PTPRD: variants seen among roughly 807,000 people sequenced by gnomAD.
PTPRD encodes receptor-type tyrosine-protein phosphatase delta.
In PTPRD, 34 loss-of-function variants were observed where a neutral mutation model predicts 214.5. The observed-to-expected ratio is 0.16, with a 90% CI of 0.12 to 0.21. The LOEUF is 0.21. Ranked by LOEUF, PTPRD falls within the 10% of genes least tolerant of loss-of-function variation. The pLI is 1.00. For synonymous variants in PTPRD, 1,128 were observed against 845.7 expected, an observed-to-expected ratio of 1.33 and a Z score of -5.79; for missense variants, 2,545 against 2,398.7, an observed-to-expected ratio of 1.06 and a Z score of -1.27.
At chr9:8,594,997 G>A (rs528643295) in intron 14 of PTPRD, among the ~76,000 whole-genome samples, 1 of 151,194 alleles carries the variant, frequency 6.6e-6, no homozygotes, top group Admixed American at 6.6e-5. Context: ...TGAGTAGCTG[G>A]AACTACAGGC....
At chr9:8,712,821 T>C (rs929573624) in intron 12 of PTPRD, among the ~76,000 whole-genome samples, 7 of 152,046 alleles carry the variant, frequency 4.6e-5, no homozygotes, top group African/African-American at 1.4e-4. Context: ...TGGGTTCAAG[T>C]GATTCTCCTG....
chr9:10,237,243 A>G lies in PTPRD; in HGVS notation c.-545+103720T>C, dbSNP rs1362420145. Among the ~76,000 whole-genome samples, 3 of 151,930 alleles carry G rather than the reference A, an allele frequency of 2.0e-5. No individual in the cohort carries two copies. In the East Asian group the frequency reaches 5.8e-4, roughly 29 times the overall value. ...TTTGATGTGAATTTAAAGGTGCTCC[A>G]AAAAGAAAAAAATAGTCTCAAAAAA... On this transcript the variant is annotated intron_variant, in intron 3 of 45. Coordinates refer to ENST00000381196, the MANE Select transcript of PTPRD (RefSeq NM_002839.4).
At chr9:10,294,176 CT>C (rs2095608977) in intron 3 of PTPRD, among the ~76,000 whole-genome samples, 2 of 151,856 alleles carry the variant, frequency 1.3e-5, no homozygotes, top group Admixed American at 6.6e-5. Context: ...GCCCAAAAAC[CT>C]TTTTCCCCCA....
chr9:9,229,766 C>T (rs2099961917), intron 9 of PTPRD, among the ~76,000 whole-genome samples: 1 of 151,824 alleles, frequency 6.6e-6, no homozygotes, highest in Admixed American at 6.6e-5. Context: ...ACTACACGTG[C>T]CAACAAGGCT....
At chr9:8,652,162 A>G (rs919237796) in intron 12 of PTPRD, among the ~76,000 whole-genome samples, 1 of 152,202 alleles carries the variant, frequency 6.6e-6, no homozygotes, top group Admixed American at 6.5e-5. Context: ...ACAGAAATAA[A>G]CTTTTTGAAA....
At chr9:8,585,383 A>C (rs2093565612) in intron 14 of PTPRD, among the ~76,000 whole-genome samples, 3 of 152,178 alleles carry the variant, frequency 2.0e-5, no homozygotes, top group African/African-American at 7.2e-5. Flanking sequence ...TCAAGGTTTA[A>C]TCACTAAACT....
At chr9:10,603,740 C>T (rs145436442) in intron 2 of PTPRD, among the ~76,000 whole-genome samples, 22 of 151,854 alleles carry the variant, frequency 1.4e-4, no homozygotes, top group African/African-American at 4.3e-4. Flanking sequence ...CTGAAGATTT[C>T]TCAAGAACTC....
At position 9,018,258 on chromosome 9, in the gene PTPRD, G is replaced by A. The variant is rs551650143; in HGVS notation, c.-104+439C>T. On this transcript the variant is annotated intron_variant, in intron 11 of 45. Coordinates refer to ENST00000381196, the MANE Select transcript of PTPRD (RefSeq NM_002839.4). The stretch of plus-strand genomic sequence containing the variant: ...ACAGAATCATGGTTCCACACGAGGT[G>A]GAGTTTGGGGAAATGAATCAACTAC... Among the ~76,000 whole-genome samples, 11 of 152,192 alleles carry A rather than the reference G, an allele frequency of 7.2e-5. 1 individual carries two copies. In the South Asian group the frequency reaches 1.5e-3, roughly 20 times the overall value.
intron 4 of PTPRD, among the ~76,000 whole-genome samples, chr9:9,998,147 A>ATATATATATAAAAG (rs1566998711): frequency 1.1e-4 from 10 of 87,750 alleles, no homozygotes; most frequent in Non-Finnish European, 2.3e-4. Context: ...TATATATATA[A>ATATATATATAAAAG]AAGAAGAAGA....
In PTPRD at chr9:10,565,452, C is replaced by G. The variant is rs567845890; in HGVS notation, c.-600+46946G>C. On this transcript the variant is annotated intron_variant, in intron 2 of 45. Coordinates refer to ENST00000381196, the MANE Select transcript of PTPRD (RefSeq NM_002839.4). ...TGTATTAAGAATGCTGAATTAGACA[C>G]AATCTTGACTTTATACAGTTTATGA... is the stretch of plus-strand genomic sequence containing the variant. Among the ~76,000 whole-genome samples, 15 of 152,120 alleles carry G rather than the reference C, an allele frequency of 9.9e-5. No homozygotes were observed. In the East Asian group the frequency reaches 2.7e-3, roughly 27 times the overall value.
At chr9:8,902,186 T>C (rs1417606634) in intron 11 of PTPRD, among the ~76,000 whole-genome samples, 2 of 152,196 alleles carry the variant, frequency 1.3e-5, no homozygotes, top group Admixed American at 6.5e-5. Flanking sequence ...TGTGTGTTTA[T>C]GACACTGTCA....
chr9:10,479,615 T>C (rs1181799297), intron 2 of PTPRD, among the ~76,000 whole-genome samples: 1 of 73,338 alleles, frequency 1.4e-5, no homozygotes, highest in Non-Finnish European at 3.0e-5. Flanking sequence ...ACCCCATCTC[T>C]AAAAAAAGAA....
intron 14 of PTPRD, among the ~76,000 whole-genome samples, chr9:8,560,225 C>A (rs1051440227): frequency 6.6e-6 from 1 of 152,060 alleles, no homozygotes; most frequent in Non-Finnish European, 1.5e-5. Context: ...AAATCATAAT[C>A]TGTACATGTT....
intron 3 of PTPRD, among the ~76,000 whole-genome samples, chr9:10,051,912 A>G (rs1271624391): frequency 6.6e-6 from 1 of 152,058 alleles, no homozygotes; most frequent in Non-Finnish European, 1.5e-5. Flanking sequence ...CAGCAACCAC[A>G]TGTTTTACTT....
At chr9:9,252,113 C>CTGT (rs900692779) in intron 9 of PTPRD, among the ~76,000 whole-genome samples, 22 of 152,000 alleles carry the variant, frequency 1.4e-4, no homozygotes, top group African/African-American at 5.1e-4. Context: ...CTGGGGTACT[C>CTGT]TGTTGTAGGG....
intron 2 of PTPRD, among the ~76,000 whole-genome samples, chr9:10,423,405 G>A (rs764678033): frequency 2.6e-5 from 4 of 151,952 alleles, no homozygotes; most frequent in Non-Finnish European, 2.9e-5. Flanking sequence ...GTATACATAT[G>A]TAACAAACCT....
intron 10 of PTPRD, among the ~76,000 whole-genome samples, chr9:9,097,337 A>G (rs182962429): frequency 6.6e-6 from 1 of 152,048 alleles, no homozygotes; most frequent in Non-Finnish European, 1.5e-5. Context: ...CCTCATACTC[A>G]TGAATTAAGC....
intron 11 of PTPRD, among the ~76,000 whole-genome samples, chr9:8,806,057 G>A (rs1452384776): frequency 2.0e-5 from 3 of 151,042 alleles, no homozygotes; most frequent in African/African-American, 7.3e-5. Context: ...CTGAGTAGCT[G>A]GGATTACAGG....
chr9:9,946,504 A>G (rs548407709), intron 4 of PTPRD, among the ~76,000 whole-genome samples: 1 of 152,202 alleles, frequency 6.6e-6, no homozygotes, highest in African/African-American at 2.4e-5. Flanking sequence ...TCAATAGCTG[A>G]TTATTAGTCC....
Sources: gnomAD v4.1 joint callset for allele counts (sites outside exome capture counted in the v4.1 genomes callset) on GRCh38, gnomAD v4.1.1 for gene constraint, MANE v1.5 for transcripts, NCBI Gene and HGNC (gene_info 2026-07-23, HGNC 2026-07-21) for gene names.